FOXF2: variants seen among roughly 807,000 people sequenced by gnomAD.
FOXF2 encodes forkhead box F2.
A neutral mutation model predicts 29.1 loss-of-function variants in FOXF2; 15 were observed. That is an observed-to-expected ratio of 0.52 (90% CI 0.35 to 0.79). FOXF2 has a LOEUF of 0.79. Ranked by LOEUF, FOXF2 falls within the 30% of genes least tolerant of loss-of-function variation. FOXF2 has a pLI of 0.01. For missense variants in FOXF2, 675 were observed against 667.1 expected (o/e 1.01, Z -0.13); for synonymous variants, 337 against 316.5 (o/e 1.06, Z -0.69).
chr6:1,390,159 C>T lies in FOXF2; in HGVS notation c.212C>T (p.Ala71Val). The T allele has an allele frequency of 6.8e-7, 1 of 1,464,356 alleles. No homozygotes were observed. Among genetic ancestry groups the T allele is most frequent in the Non-Finnish European group, 9.1e-7 (1 of 1,100,568 alleles). The allele number at this position is 1,464,356 out of a possible 1,614,324, so 90.7% of individuals were successfully genotyped here. A position where few individuals can be genotyped will look rare whatever the true frequency, so the allele number is the denominator to read the frequency against. The change falls in exon 1 of 2, where the codon GCT (alanine) becomes GTT (valine). Residue 71 changes from alanine (A) to valine (V), a missense_variant. Physicochemically the swap from Ala to Val is moderately conservative, Grantham distance 64 (BLOSUM62 0). Around this residue, in one of 3 missense-constraint regions of FOXF2, gnomAD observed 220 missense variants for 205.5 expected, o/e 1.07. Transcript: ENST00000645481. The surrounding 1 kb of genome is among the most constrained non-coding windows in gnomAD (Gnocchi z 8.5). The part of the protein sequence containing the change: ...SSSNSASAPS[A>V]ACKSAGGGGA... ...TCCAATTCGGCCAGCGCCCCCTCGGCTGCCTGCAAGAGCGCGGGCGGCGGC... is the reference window on the plus strand; with the variant it reads ...TCCAATTCGGCCAGCGCCCCCTCGGTTGCCTGCAAGAGCGCGGGCGGCGGC...
rs1333575357 is a variant in FOXF2 at position 1,389,940 on chromosome 6, G to C, written c.-8G>C. On this transcript the variant is annotated 5_prime_UTR_variant, in exon 1 of 2. Coordinates refer to ENST00000645481, the MANE Select transcript of FOXF2 (RefSeq NM_001452.2). Reference sequence around the variant, plus strand: ...CCCTCGCGGCCCGGCCTCGCTCCCGGGTCCCAGATGACCACCGAGGGCGGG... The same window carrying C: ...CCCTCGCGGCCCGGCCTCGCTCCCGCGTCCCAGATGACCACCGAGGGCGGG... 5 of 981,550 alleles carry C rather than the reference G, an allele frequency of 5.1e-6. No homozygotes were observed. Among genetic ancestry groups the C allele is most frequent in the Non-Finnish European group, 6.0e-6 (5 of 827,678 alleles). 60.8% of individuals were successfully genotyped at this position (981,550 alleles called of 1,614,324 possible).
At chr6:1,393,649 C>T (rs1758842078) in intron 1 of FOXF2, among the ~76,000 whole-genome samples, 1 of 152,148 alleles carries the variant, frequency 6.6e-6, no homozygotes, top group Non-Finnish European at 1.5e-5. Flanking sequence ...GCCCGGCGGG[C>T]CGTGGTTACG....
chr6:1,394,823 G>C lies in FOXF2; in HGVS notation c.1299G>C (p.Gln433His), dbSNP rs1319538642. ...ASGSYYHHHH[Q>H]SVCQDIKPCV... The stretch of plus-strand genomic sequence containing the variant: ...GGTCGTATTATCACCATCACCACCA[G>C]AGCGTCTGTCAGGATATTAAGCCCT... The change falls in exon 2 of 2, where the codon CAG becomes CAC. Residue 433 changes from glutamine (Q) to histidine (H), a missense_variant. Transcript: ENST00000645481. 1 of 1,614,136 alleles carries C rather than the reference G, an allele frequency of 6.2e-7. No individual in the cohort carries two copies. Among genetic ancestry groups the C allele is most frequent in the Admixed American group, 1.7e-5 (1 of 60,032 alleles).
intron 1 of FOXF2, 45 bp downstream of exon 1, chr6:1,391,163 T>C (rs1391687097): frequency 6.3e-7 from 1 of 1,594,120 alleles, no homozygotes. Context: ...GCACCGCTTC[T>C]AGGCCTCCAG....
chr6:1,394,651 G>C, intron 1 of FOXF2, 45 bp from the exon 2 acceptor site: 1 of 1,605,718 alleles, frequency 6.2e-7, no homozygotes, highest in Non-Finnish European at 8.5e-7. Context: ...CCATCCACTG[G>C]ATGACTTTGT....
At chr6:1,394,646 C>A in intron 1 of FOXF2, 50 bp from the exon 2 acceptor site, 2 of 1,588,096 alleles carry the variant, frequency 1.3e-6, no homozygotes, top group Non-Finnish European at 1.7e-6. Context: ...CCCTGCCATC[C>A]ACTGGATGAC....
At chr6:1,394,154 G>C (rs1758853773) in intron 1 of FOXF2, among the ~76,000 whole-genome samples, 1 of 152,228 alleles carries the variant, frequency 6.6e-6, no homozygotes, top group African/African-American at 2.4e-5. Context: ...TCTTGCGATT[G>C]GGTTGTTTTC....
Position 1,389,778 on chromosome 6 carries a change from C to A in FOXF2, c.-170C>A. The A allele has an allele frequency of 6.5e-6, 1 of 154,180 alleles. No individual in the cohort carries two copies. Among genetic ancestry groups the A allele is most frequent in the South Asian group, 1.8e-4 (1 of 5,698 alleles). 9.6% of individuals were successfully genotyped at this position (154,180 alleles called of 1,614,324 possible). ...GCCGCCGCCGCCGCCGCCAGAAGCC[C>A]CAGAGGAGCTGAGGGAGGCGACGCC... On this transcript the variant is annotated 5_prime_UTR_variant, in exon 1 of 2. Coordinates refer to ENST00000645481, the MANE Select transcript of FOXF2 (RefSeq NM_001452.2).
chr6:1,390,051 C>A lies in FOXF2; in HGVS notation c.104C>A (p.Ala35Asp). 1.5e-6 allele frequency: 2 copies of A among 1,376,482 alleles called. No homozygotes were observed. The highest frequency in any genetic ancestry group is 1.5e-5 in the South Asian group (1 of 65,520). 85.3% of individuals were successfully genotyped at this position (1,376,482 alleles called of 1,614,324 possible). ...CTGATGAGCCCGCCGCCCGCCGCCG[C>A]CGCCGCCGCCGCCGCCGCCCCGGAG... ...AALMSPPPAA[A>D]AAAAAAPETT... The change falls in exon 1 of 2, where the codon GCC (alanine) becomes GAC (aspartate). Residue 35 changes from alanine to aspartate, a missense_variant. Transcript: ENST00000645481. The surrounding 1 kb of genome is among the most constrained non-coding windows in gnomAD (Gnocchi z 8.5).
In FOXF2 at chr6:1,394,876, C is replaced by CGAT. The variant is rs1427579409; in HGVS notation, c.*19_*21dup. On this transcript the variant is annotated 3_prime_UTR_variant, in exon 2 of 2. Transcript: ENST00000645481. ...GTCATGTGAACGGAAAGAGGCCAAG[C>CGAT]GATGGCCGCTCTCTCCTCTCCCCTC... 1.2e-6 allele frequency: 2 copies of CGAT among 1,613,698 alleles called. No individual in the cohort carries two copies.
In FOXF2 at chr6:1,394,952, G is replaced by C; in HGVS notation, c.*93G>C. The stretch of plus-strand genomic sequence containing the variant: ...GACGGATTCAAGTCACATGCACGCG[G>C]ATAGCAGTAAGCCACACACCTGCCA... On this transcript the variant is annotated 3_prime_UTR_variant, in exon 2 of 2. Transcript: ENST00000645481. 2 of 1,319,400 alleles carry C rather than the reference G, an allele frequency of 1.5e-6. No individual in the cohort carries two copies. Among genetic ancestry groups the C allele is most frequent in the South Asian group, 1.2e-5 (1 of 84,448 alleles). 81.7% of individuals were successfully genotyped at this position (1,319,400 alleles called of 1,614,324 possible).
intron 1 of FOXF2, among the ~76,000 whole-genome samples, chr6:1,392,630 T>C (rs954447507): frequency 2.0e-5 from 3 of 151,386 alleles, no homozygotes; most frequent in Middle Eastern, 3.4e-3. Context: ...GAAACCGTAC[T>C]CTAGGAAGAA....
At chr6:1,393,838 C>T (rs1409368223) in intron 1 of FOXF2, among the ~76,000 whole-genome samples, 3 of 152,230 alleles carry the variant, frequency 2.0e-5, no homozygotes, top group Admixed American at 2.0e-4. Flanking sequence ...GCCGATTGCG[C>T]CCCGGGGCCA....
At chr6:1,392,760 T>C (rs929187354) in intron 1 of FOXF2, among the ~76,000 whole-genome samples, 26 of 152,190 alleles carry the variant, frequency 1.7e-4, no homozygotes, top group African/African-American at 6.0e-4. Flanking sequence ...ATTACTGTCT[T>C]GGAGGGGGTG....
rs1186504611 is a variant in FOXF2, at chr6:1,391,232, CACTGGGAAAAGCAGAT to C, written c.1171+115_1171+130del. The C allele has an allele frequency of 5.9e-6, 9 of 1,528,286 alleles. No homozygotes were observed. In the African/African-American group the frequency reaches 1.2e-4, roughly 21 times the overall value. 94.7% of individuals were successfully genotyped at this position (1,528,286 alleles called of 1,614,324 possible). A position where few individuals can be genotyped will look rare whatever the true frequency, so the allele number is the denominator to read the frequency against. ...ACCCCGAAGCTAGGAGGTCTGAGGG[CACTGGGAAAAGCAGAT>C]GCTGGGGAAAGCCGGCATCTTATTC... On this transcript the variant is annotated intron_variant, in intron 1 of 1. Coordinates refer to ENST00000645481, the MANE Select transcript of FOXF2 (RefSeq NM_001452.2).
rs759172368 is a variant in FOXF2 at position 1,390,633 on chromosome 6, C to A, written c.686C>A (p.Ala229Glu). Reference protein sequence around the residue: ...SLLPQGFDFQAPPSAPLGCHS... With the variant: ...SLLPQGFDFQEPPSAPLGCHS... Reference sequence around the variant, plus strand: ...CTGCCCCAGGGCTTCGACTTCCAGGCGCCCCCGTCGGCGCCGCTCGGCTGC... The same window carrying A: ...CTGCCCCAGGGCTTCGACTTCCAGGAGCCCCCGTCGGCGCCGCTCGGCTGC... The change falls in exon 1 of 2, where the codon GCG becomes GAG. Residue 229 changes from alanine to glutamate, a missense_variant. Ala to Glu is a moderately radical substitution (Grantham distance 107). Around this residue, in one of 3 missense-constraint regions of FOXF2, gnomAD observed 451 missense variants for 437.2 expected, o/e 1.03. Transcript: ENST00000645481. This position sits in a 1 kb window ranked among gnomAD's most constrained non-coding sequence, Gnocchi z 8.5. The A allele has an allele frequency of 2.5e-6, 4 of 1,581,774 alleles. No homozygotes were observed. The highest frequency in any genetic ancestry group is 2.3e-5 in the East Asian group (1 of 43,242).
intron 1 of FOXF2, among the ~76,000 whole-genome samples, chr6:1,391,829 C>G (rs944316564): frequency 3.3e-5 from 5 of 152,146 alleles, no homozygotes; most frequent in Non-Finnish European, 7.3e-5. Flanking sequence ...AGAAATGCGC[C>G]TGCCCTGTGG....
chr6:1,390,985 G>C lies in FOXF2; in HGVS notation c.1038G>C (p.Ser346=). 1 of 1,596,032 alleles carries C rather than the reference G, an allele frequency of 6.3e-7. No homozygotes were observed. Among genetic ancestry groups the C allele is most frequent in the Non-Finnish European group, 8.5e-7 (1 of 1,177,910 alleles). Residue 346 remains serine (S), a synonymous_variant, in exon 1 of 2, where the codon TCG becomes TCC. Coordinates refer to ENST00000645481, the MANE Select transcript of FOXF2 (RefSeq NM_001452.2). The surrounding 1 kb of genome is among the most constrained non-coding windows in gnomAD (Gnocchi z 8.5). Reference sequence around the variant, plus strand: ...CGCACTGGAGCTCGCCTGGCGCCTCGCCTTACCTCAAGCAGCCGCCTGCCC... The same window carrying C: ...CGCACTGGAGCTCGCCTGGCGCCTCCCCTTACCTCAAGCAGCCGCCTGCCC... The part of the protein sequence containing the change: ...PAAHWSSPGA[S]PYLKQPPALT...
intron 1 of FOXF2, among the ~76,000 whole-genome samples, chr6:1,394,169 G>A (rs999455738): frequency 6.6e-6 from 1 of 152,140 alleles, no homozygotes; most frequent in African/African-American, 2.4e-5. Flanking sequence ...GTTTTCTATC[G>A]TCCCCTTTGG....
Sources: allele counts gnomAD v4.1 joint callset (sites outside exome capture counted in the v4.1 genomes callset), GRCh38; gene constraint gnomAD v4.1.1; regional missense constraint gnomAD v4.1.1; non-coding constraint Gnocchi (gnomAD v3.1); transcripts MANE v1.5; gene names NCBI Gene and HGNC (gene_info 2026-07-23, HGNC 2026-07-21).